Variants in FGD5 observed in about 807,000 individuals in gnomAD.
FGD5 encodes the protein FYVE, RhoGEF and PH domain-containing protein 5.
Under a neutral mutation model 133.4 loss-of-function variants are expected in FGD5, and 28 were observed. That is an observed-to-expected ratio of 0.21 (90% CI 0.16 to 0.29). The LOEUF (loss-of-function observed/expected upper bound fraction) is 0.29. Ranked by LOEUF, FGD5 falls within the 10% of genes least tolerant of loss-of-function variation. The pLI is 1.00. For missense variants in FGD5, 1,858 were observed against 1,895.2 expected, an observed-to-expected ratio of 0.98 and a Z score of 0.36; for synonymous variants, 810 against 776.5, an observed-to-expected ratio of 1.04 and a Z score of -0.72.
chr3:14,920,971 C>G (rs2038668335), intron 13 of FGD5, among the ~76,000 whole-genome samples: 1 of 152,210 alleles, frequency 6.6e-6, no homozygotes, highest in Admixed American at 6.5e-5. Flanking sequence ...GGCCTCACCT[C>G]TCCTTGTGAT....
intron 1 of FGD5, among the ~76,000 whole-genome samples, chr3:14,828,820 C>CTTTT (rs59960841): frequency 1.6e-5 from 2 of 124,104 alleles, no homozygotes; most frequent in African/African-American, 6.0e-5. Flanking sequence ...AGGTGGGTCT[C>CTTTT]TTTTTTTTTT....
chr3:14,845,388 C>A (rs2037031837), intron 1 of FGD5, among the ~76,000 whole-genome samples: 1 of 152,174 alleles, frequency 6.6e-6, no homozygotes, highest in African/African-American at 2.4e-5. Context: ...TGGGGATGCC[C>A]CTCCCCTTCC....
chr3:14,866,182 T>C (rs1327092215), intron 2 of FGD5, among the ~76,000 whole-genome samples: 1 of 152,184 alleles, frequency 6.6e-6, no homozygotes, highest in African/African-American at 2.4e-5. Flanking sequence ...CTTCCGGCTA[T>C]GTCACTGCAG....
intron 4 of FGD5, 182 bp from the exon 5 acceptor site, chr3:14,897,327 C>A: frequency 4.4e-6 from 3 of 677,960 alleles, no homozygotes; most frequent in Non-Finnish European, 7.2e-6. Context: ...GCCCTATGGT[C>A]GCCAGGTGCA....
chr3:14,830,145 A>G (rs1004488262), intron 1 of FGD5, among the ~76,000 whole-genome samples: 1 of 152,130 alleles, frequency 6.6e-6, no homozygotes, highest in Non-Finnish European at 1.5e-5. Flanking sequence ...CCTTCCTGTT[A>G]TTATGTTTTT....
chr3:14,917,272 C>T lies in FGD5; in HGVS notation c.3429C>T (p.Thr1143=). The change falls in exon 12 of 20, where the codon ACC becomes ACT. Residue 1143 remains threonine (T), a synonymous_variant. Coordinates refer to ENST00000285046, the MANE Select transcript of FGD5 (RefSeq NM_152536.4). The surrounding 1 kb of genome is among the most constrained non-coding windows in gnomAD (Gnocchi z 4.1). ...LFLMNDVLLY[T]YPQKDGKYRL... Reference sequence around the variant, plus strand: ...AGATGAACGATGTGCTCCTGTACACCTATCCCCAGAAGGATGGGAAGTACC... The same window carrying T: ...AGATGAACGATGTGCTCCTGTACACTTATCCCCAGAAGGATGGGAAGTACC... The T allele has an allele frequency of 1.2e-6, 2 of 1,613,740 alleles. No homozygotes were observed. The highest frequency in any genetic ancestry group is 1.7e-6 in the Non-Finnish European group (2 of 1,179,810).
chr3:14,873,153 A>G (rs978375543), intron 2 of FGD5, among the ~76,000 whole-genome samples: 9 of 152,148 alleles, frequency 5.9e-5, no homozygotes, highest in African/African-American at 2.2e-4. Context: ...AAGGAGTGTA[A>G]TGATGTGTGT....
chr3:14,858,767 A>G lies in FGD5; in HGVS notation c.2526-5361A>G, dbSNP rs146484990. 5.2e-3 allele frequency among the ~76,000 whole-genome samples: 795 copies of G among 152,318 alleles called. 8 individuals are homozygous for G. The highest frequency in any genetic ancestry group is 0.018 in the African/African-American group (755 of 41,556). On this transcript the variant is annotated intron_variant, in intron 1 of 19. Coordinates refer to ENST00000285046, the MANE Select transcript of FGD5 (RefSeq NM_152536.4). ...TAGATATGATATGTAAGTGTTCCCA[A>G]TCTTTTTCCCCAAGGGAAGACGTGG...
At chr3:14,816,386 A>G (rs539741285), upstream of FGD5, among the ~76,000 whole-genome samples, 1 of 152,252 alleles carries the variant, frequency 6.6e-6, no homozygotes, top group Non-Finnish European at 1.5e-5. Context: ...AACCAAGGGA[A>G]GATCTGGGGT....
Position 14,924,127 on chromosome 3 carries a change from G to T in FGD5, c.4057G>T (p.Ala1353Ser), listed in dbSNP as rs1559508367. ...CAAGAAGCAGAAGAAAGTCCCTTCAGCCCTGACAGAGGTAAAGCAGGCAGG... is the reference window on the plus strand; with the variant it reads ...CAAGAAGCAGAAGAAAGTCCCTTCATCCCTGACAGAGGTAAAGCAGGCAGG... ...TFKKQKKVPSALTEVAASGEG... is the reference protein window; with the variant it reads ...TFKKQKKVPSSLTEVAASGEG... The change falls in exon 17 of 20, where the codon GCC becomes TCC. Residue 1353 changes from alanine (A) to serine (S), a missense_variant. Ala to Ser is a moderately conservative substitution (Grantham distance 99). This residue lies in a region of FGD5 where 1,824 missense variants were observed against 1,848.9 expected (regional missense o/e 0.99). Transcript: ENST00000285046. The T allele has an allele frequency of 1.2e-6, 2 of 1,613,936 alleles. No individual in the cohort carries two copies. Among genetic ancestry groups the T allele is most frequent in the South Asian group, 1.1e-5 (1 of 91,076 alleles).
rs770466694 is a variant in FGD5 at position 14,880,657 on chromosome 3, C to T, written c.2717+27C>T. On this transcript the variant is annotated intron_variant, in intron 3 of 19. Transcript: ENST00000285046. ...TGAGTCCCCAAGGAGCTGCCTGTGGCCTTGAGCTTATAAACAAAACGTCAC... is the reference window on the plus strand; with the variant it reads ...TGAGTCCCCAAGGAGCTGCCTGTGGTCTTGAGCTTATAAACAAAACGTCAC... 5 of 1,613,994 alleles carry T rather than the reference C, an allele frequency of 3.1e-6. No homozygotes were observed. The Admixed American group carries it at 5.0e-5, about 16-fold the overall frequency.
intron 4 of FGD5, 89 bp from the exon 5 acceptor site, chr3:14,897,416 GGCCA>G: frequency 6.9e-7 from 1 of 1,445,534 alleles, no homozygotes; most frequent in Non-Finnish European, 9.4e-7. Flanking sequence ...TCTTCACAGA[GGCCA>G]GGGCTCCAAA....
intron 4 of FGD5, among the ~76,000 whole-genome samples, chr3:14,889,138 G>T (rs1249351798): frequency 1.3e-5 from 2 of 152,168 alleles, no homozygotes; most frequent in African/African-American, 4.8e-5. Context: ...GGGCCACGAA[G>T]AGTTTGGAGG....
At chr3:14,826,876 A>G (rs1264887788) in intron 1 of FGD5, among the ~76,000 whole-genome samples, 5 of 152,204 alleles carry the variant, frequency 3.3e-5, no homozygotes, top group African/African-American at 4.8e-5. Context: ...AGCTTTTGCC[A>G]TAGGATGTGG....
chr3:14,882,370 A>T, intron 4 of FGD5: 1 of 984,698 alleles, frequency 1.0e-6, no homozygotes, highest in Non-Finnish European at 1.2e-6. Context: ...CCATAATAAG[A>T]TCCTGAGGAT....
intron 1 of FGD5, among the ~76,000 whole-genome samples, chr3:14,836,109 A>T (rs2036811816): frequency 6.6e-6 from 1 of 152,206 alleles, no homozygotes; most frequent in Non-Finnish European, 1.5e-5. Context: ...TCCATGCCAC[A>T]TGTTGCACAA....
At chr3:14,856,934 TGA>T (rs979066834) in intron 1 of FGD5, among the ~76,000 whole-genome samples, 3 of 152,190 alleles carry the variant, frequency 2.0e-5, no homozygotes, top group Non-Finnish European at 4.4e-5. Flanking sequence ...AGAATGGTGG[TGA>T]GAGTGGACAC....
At chr3:14,880,684 C>T in intron 3 of FGD5, 54 bp downstream of exon 3, 2 of 1,613,850 alleles carry the variant, frequency 1.2e-6, no homozygotes, top group South Asian at 1.1e-5. Flanking sequence ...AAACGTCACC[C>T]TCCTGGGCTT....
At chr3:14,881,777 G>T (rs1460530869) in intron 4 of FGD5, among the ~76,000 whole-genome samples, 1 of 152,206 alleles carries the variant, frequency 6.6e-6, no homozygotes, top group Admixed American at 6.5e-5. Flanking sequence ...CATGGCCCAA[G>T]TCACACAGTG....
Sources: gnomAD v4.1 joint callset for allele counts (sites outside exome capture counted in the v4.1 genomes callset) on GRCh38, gnomAD v4.1.1 for gene constraint, gnomAD v4.1.1 regional missense constraint, Gnocchi (gnomAD v3.1) non-coding constraint, MANE v1.5 for transcripts, NCBI Gene and HGNC (gene_info 2026-07-23, HGNC 2026-07-21) for gene names.